Variants in CNNM1 observed in about 807,000 individuals in gnomAD.
CNNM1 encodes the protein cyclin and CBS domain divalent metal cation transport mediator 1.
Under a neutral mutation model 78.8 loss-of-function variants are expected in CNNM1, and 44 were observed. The ratio of observed to expected loss-of-function variants is 0.56; its 90% CI spans 0.44 to 0.72. The LOEUF (loss-of-function observed/expected upper bound fraction) is 0.72. CNNM1 is among the 30% of genes least tolerant of loss of function. The probability of loss-of-function intolerance (pLI) is 0.00; values close to 1 mark genes in which losing one functional copy is unlikely to be tolerated. For missense variants in CNNM1, 1,101 were observed against 1,292.2 expected, an observed-to-expected ratio of 0.85 and a Z score of 2.27; for synonymous variants, 584 against 581.5, an observed-to-expected ratio of 1.00 and a Z score of -0.06.
chr10:99,335,705 G>A (rs578107657), intron 1 of CNNM1, among the ~76,000 whole-genome samples: 16 of 152,120 alleles, frequency 1.1e-4, no homozygotes, highest in Non-Finnish European at 2.1e-4. Flanking sequence ...GTCTGCACAG[G>A]CTGTCATTAG....
At chr10:99,355,044 AGGG>A (rs1239492181) in intron 1 of CNNM1, among the ~76,000 whole-genome samples, 1 of 152,154 alleles carries the variant, frequency 6.6e-6, no homozygotes, top group Non-Finnish European at 1.5e-5. Context: ...AAAAACTCCA[AGGG>A]GTAGCTATCT....
At chr10:99,350,467 A>G (rs2030901047) in intron 1 of CNNM1, among the ~76,000 whole-genome samples, 1 of 152,208 alleles carries the variant, frequency 6.6e-6, no homozygotes, top group Non-Finnish European at 1.5e-5. Context: ...CCCCTAAGGC[A>G]TCAGAGGTAT....
At position 99,393,619 on chromosome 10, in the gene CNNM1, T is replaced by G. The variant is rs2032538546; in HGVS notation, c.*2103T>G. ...TACTGGGCAGTTCGAGACAGGTTTTTAATCATAAGTGGTCTTTTCAAATGT... is the reference window on the plus strand; with the variant it reads ...TACTGGGCAGTTCGAGACAGGTTTTGAATCATAAGTGGTCTTTTCAAATGT... On this transcript the variant is annotated 3_prime_UTR_variant, in exon 11 of 11. Transcript: ENST00000356713. 6.6e-6 allele frequency: 1 copy of G among 152,556 alleles called. No homozygotes were observed. The highest frequency in any genetic ancestry group is 2.1e-4 in the South Asian group (1 of 4,804). The allele number at this position is 152,556 out of a possible 1,614,324, so 9.5% of individuals were successfully genotyped here.
chr10:99,358,085 G>A (rs2031288696), intron 2 of CNNM1, among the ~76,000 whole-genome samples: 1 of 152,072 alleles, frequency 6.6e-6, no homozygotes, highest in Admixed American at 6.6e-5. Flanking sequence ...GTGAGCAGTG[G>A]AGACTGTCAT....
At chr10:99,375,873 G>C (rs1054063885) in intron 6 of CNNM1, among the ~76,000 whole-genome samples, 9 of 152,148 alleles carry the variant, frequency 5.9e-5, no homozygotes, top group African/African-American at 9.7e-5. Flanking sequence ...TCTATCACTT[G>C]GGGTGGTTCC....
intron 1 of CNNM1, among the ~76,000 whole-genome samples, chr10:99,334,627 G>A (rs1046295999): frequency 6.6e-6 from 1 of 152,002 alleles, no homozygotes. Flanking sequence ...CTCCAGCCTG[G>A]GTGACAGAGA....
chr10:99,346,735 G>A (rs973343539), intron 1 of CNNM1, among the ~76,000 whole-genome samples: 2 of 152,058 alleles, frequency 1.3e-5, no homozygotes, highest in African/African-American at 4.8e-5. Flanking sequence ...AGCCTCCTTA[G>A]TAGCTGGGAT....
At chr10:99,368,069 C>G (rs2134058508) in intron 6 of CNNM1, among the ~76,000 whole-genome samples, 1 of 152,364 alleles carries the variant, frequency 6.6e-6, no homozygotes, top group South Asian at 2.1e-4. Context: ...TCCTTTATCC[C>G]TATCCTCTAG....
At chr10:99,348,770 G>C (rs2134029913) in intron 1 of CNNM1, among the ~76,000 whole-genome samples, 1 of 152,266 alleles carries the variant, frequency 6.6e-6, no homozygotes, top group Middle Eastern at 3.4e-3. Flanking sequence ...TAGACATCGA[G>C]GCCAGGTACA....
rs780595016 is a variant in CNNM1 at position 99,377,061 on chromosome 10, G to C, written c.2183G>C (p.Arg728Pro). 24 of 1,359,052 alleles carry C rather than the reference G, an allele frequency of 1.8e-5. No homozygotes were observed. The highest frequency in any genetic ancestry group is 2.3e-5 in the Non-Finnish European group (24 of 1,025,866). 84.2% of individuals were successfully genotyped at this position (1,359,052 alleles called of 1,614,324 possible). The change falls in exon 7 of 11, where the codon CGG (arginine) becomes CCG (proline). Residue 728 changes from arginine to proline, a missense_variant. By Grantham distance (103) the Arg-to-Pro change is moderately radical. Transcript: ENST00000356713. ...SLAGSSVFLNRSPSRCSGLNR... is the reference protein window; with the variant it reads ...SLAGSSVFLNPSPSRCSGLNR... ...CATCTCTCACCATCTGCAGTAAACC[G>C]GTCCCCTTCTCGCTGCAGTGGGTTG...
chr10:99,345,411 C>T (rs2030648197), intron 1 of CNNM1, among the ~76,000 whole-genome samples: 1 of 152,184 alleles, frequency 6.6e-6, no homozygotes, highest in Non-Finnish European at 1.5e-5. Context: ...AACAGTGCCC[C>T]TGAGAGTCCA....
In CNNM1 at chr10:99,392,110, T is replaced by TA. The variant is rs2032490403; in HGVS notation, c.*595dup. The stretch of plus-strand genomic sequence containing the variant: ...TTGACATTACAGCACAGAAAACTGT[T>TA]AGTGACTGGTTTCCTGTTAGATAAG... On this transcript the variant is annotated 3_prime_UTR_variant, in exon 11 of 11. Transcript: ENST00000356713. The TA allele has an allele frequency of 6.6e-6, 1 of 152,572 alleles. No homozygotes were observed. Among genetic ancestry groups the TA allele is most frequent in the African/African-American group, 2.4e-5 (1 of 41,448 alleles). 9.5% of individuals were successfully genotyped at this position (152,572 alleles called of 1,614,324 possible).
chr10:99,334,725 C>T (rs1316104954), intron 1 of CNNM1, among the ~76,000 whole-genome samples: 4 of 152,204 alleles, frequency 2.6e-5, no homozygotes, highest in South Asian at 4.1e-4. Flanking sequence ...TCCTTACTTC[C>T]TTGCTTCTCA....
chr10:99,345,096 A>G (rs1250614787), intron 1 of CNNM1, among the ~76,000 whole-genome samples: 1 of 152,174 alleles, frequency 6.6e-6, no homozygotes, highest in African/African-American at 2.4e-5. Context: ...TCACATACTA[A>G]TATTGTCCTT....
At chr10:99,371,925 C>G (rs1274806124) in intron 6 of CNNM1, among the ~76,000 whole-genome samples, 1 of 152,152 alleles carries the variant, frequency 6.6e-6, no homozygotes, top group Non-Finnish European at 1.5e-5. Context: ...AGGCCATTCC[C>G]CCTCATCCCT....
intron 7 of CNNM1, among the ~76,000 whole-genome samples, chr10:99,387,518 C>A (rs990555394): frequency 3.3e-5 from 5 of 152,232 alleles, no homozygotes; most frequent in Admixed American, 1.3e-4. Flanking sequence ...TAAACTTCTC[C>A]ATGGGCAACC....
intron 1 of CNNM1, among the ~76,000 whole-genome samples, chr10:99,337,546 C>T (rs997182412): frequency 6.6e-6 from 1 of 152,216 alleles, no homozygotes. Context: ...GCTCAGGGGC[C>T]TCCTCCTCTG....
rs760944632 is a variant in CNNM1 at position 99,330,854 on chromosome 10, C to T, written c.1467C>T (p.Pro489=). The part of the protein sequence containing the change: ...LFVKDLAFVD[P]DDCTPLLTVT... ...TCAAGGACTTGGCCTTCGTGGACCC[C>T]GACGACTGCACCCCGCTCCTCACTG... is the stretch of plus-strand genomic sequence containing the variant. The change falls in exon 1 of 11, where the codon CCC becomes CCT. Residue 489 remains proline, a synonymous_variant. Transcript: ENST00000356713. 8 of 1,614,022 alleles carry T rather than the reference C, an allele frequency of 5.0e-6. No individual in the cohort carries two copies. The highest frequency in any genetic ancestry group is 5.9e-6 in the Non-Finnish European group (7 of 1,180,024).
chr10:99,341,210 C>T (rs901617061), intron 1 of CNNM1, among the ~76,000 whole-genome samples: 3 of 152,074 alleles, frequency 2.0e-5, no homozygotes, highest in Admixed American at 6.5e-5. Context: ...GAGACAGGAA[C>T]AGACATGCAA....
Sources: gnomAD v4.1 joint callset for allele counts (sites outside exome capture counted in the v4.1 genomes callset) on GRCh38, gnomAD v4.1.1 for gene constraint, MANE v1.5 for transcripts, NCBI Gene and HGNC (gene_info 2026-07-23, HGNC 2026-07-21) for gene names.